Variants in TMED3 observed in about 807,000 individuals in gnomAD.
TMED3 encodes the protein transmembrane emp24 domain-containing protein 3.
TMED3 carries 9 observed loss-of-function variants against 15.0 expected under a neutral mutation model. That is an observed-to-expected ratio of 0.60 (90% CI 0.36 to 1.04). TMED3 has a LOEUF of 1.04. TMED3 is among the 50% of genes least tolerant of loss of function. The pLI is 0.01. For synonymous variants in TMED3, 117 were observed against 121.4 expected (o/e 0.96, Z 0.24); for missense variants, 267 against 278.9 (o/e 0.96, Z 0.30).
At chr15:79,354,955 C>T (rs185206256) in intron 2 of TMED3, among the ~76,000 whole-genome samples, 2 of 152,240 alleles carry the variant, frequency 1.3e-5, no homozygotes, top group South Asian at 4.1e-4. Flanking sequence ...AGTTATTTCT[C>T]TTATTTAAGC....
At chr15:79,393,515 G>A (rs1047945158) in intron 2 of TMED3, among the ~76,000 whole-genome samples, 1 of 152,176 alleles carries the variant, frequency 6.6e-6, no homozygotes, top group Non-Finnish European at 1.5e-5. Flanking sequence ...TTCTGTGGAA[G>A]CTCACTTCTG....
intron 2 of TMED3, among the ~76,000 whole-genome samples, chr15:79,348,884 T>C (rs988367706): frequency 6.6e-6 from 1 of 152,164 alleles, no homozygotes; most frequent in Non-Finnish European, 1.5e-5. Flanking sequence ...CCAGCTGGAG[T>C]ACAGTGGTGC....
At chr15:79,357,546 A>G (rs1013116648) in intron 2 of TMED3, among the ~76,000 whole-genome samples, 1 of 150,582 alleles carries the variant, frequency 6.6e-6, no homozygotes, top group African/African-American at 2.4e-5. Flanking sequence ...TTAAAGCAGA[A>G]CACGTCTTCT....
chr15:79,376,172 C>T (rs1049972467), intron 2 of TMED3, among the ~76,000 whole-genome samples: 5 of 142,432 alleles, frequency 3.5e-5, no homozygotes, highest in South Asian at 2.2e-4. Flanking sequence ...TGCAGTGGCG[C>T]GATCTCGGCT....
intron 2 of TMED3, among the ~76,000 whole-genome samples, chr15:79,350,598 G>T (rs2058888036): frequency 6.6e-6 from 1 of 152,140 alleles, no homozygotes; most frequent in Non-Finnish European, 1.5e-5. Flanking sequence ...TAGCTGTGCT[G>T]GGAGCTGATT....
At chr15:79,380,193 A>T (rs1416295856) in intron 2 of TMED3, among the ~76,000 whole-genome samples, 1 of 151,990 alleles carries the variant, frequency 6.6e-6, no homozygotes, top group African/African-American at 2.4e-5. Context: ...TGTACTAAAA[A>T]TACAAAAATT....
intron 2 of TMED3, among the ~76,000 whole-genome samples, chr15:79,387,993 C>T (rs529203935): frequency 2.8e-4 from 43 of 152,124 alleles, no homozygotes; most frequent in African/African-American, 8.2e-4. Flanking sequence ...GATTCACCTA[C>T]GGTACTTCTG....
Position 79,347,014 on chromosome 15 carries a change from C to T in TMED3, c.417+33009C>T, listed in dbSNP as rs189173559. 1.4e-3 allele frequency among the ~76,000 whole-genome samples: 210 copies of T among 152,228 alleles called. 1 individual carries two copies. The highest frequency in any genetic ancestry group is 4.0e-3 in the Admixed American group (61 of 15,288). On this transcript the variant is annotated intron_variant, in intron 2 of 2. Transcript: ENST00000424155. The stretch of plus-strand genomic sequence containing the variant: ...CCAAAAATTTAAGGAGGAGGGACTC[C>T]TTCCTAATTCATTCTGAGGCCAACA...
chr15:79,352,436 T>C (rs932203854), intron 2 of TMED3, among the ~76,000 whole-genome samples: 5 of 152,024 alleles, frequency 3.3e-5, no homozygotes, highest in Admixed American at 6.6e-5. Context: ...TCAGGCGTCA[T>C]GTGCTCAATC....
At chr15:79,353,445 A>G (rs2058905892) in intron 2 of TMED3, among the ~76,000 whole-genome samples, 1 of 139,360 alleles carries the variant, frequency 7.2e-6, no homozygotes, top group African/African-American at 2.7e-5. Context: ...CAAACCAACA[A>G]TAGCTAGTTA....
chr15:79,358,616 A>G lies in TMED3; in HGVS notation c.417+44611A>G, dbSNP rs574336241. On this transcript the variant is annotated intron_variant, in intron 2 of 2. Coordinates refer to the TMED3 transcript ENST00000424155. ...ATCCCTCAGGCCCATCCCGAAGGAG[A>G]TCACGGGTCCACCCTAGGACCTCTG... 1.9e-3 allele frequency among the ~76,000 whole-genome samples: 293 copies of G among 152,334 alleles called. 4 individuals carry two copies. The highest frequency in any genetic ancestry group is 6.7e-3 in the African/African-American group (278 of 41,572).
At chr15:79,324,831 C>T (rs2058781632), downstream of TMED3, among the ~76,000 whole-genome samples, 1 of 152,196 alleles carries the variant, frequency 6.6e-6, no homozygotes, top group African/African-American at 2.4e-5. Context: ...TGGGTTGGGG[C>T]TGACCTTTCT....
intron 2 of TMED3, among the ~76,000 whole-genome samples, chr15:79,358,508 G>A (rs1893060145): frequency 6.6e-6 from 1 of 152,184 alleles, no homozygotes; most frequent in African/African-American, 2.4e-5. Flanking sequence ...TGGGATGGAA[G>A]CTGGGGATGG....
chr15:79,359,052 T>G (rs2141239348), intron 2 of TMED3, among the ~76,000 whole-genome samples: 1 of 152,242 alleles, frequency 6.6e-6, no homozygotes, highest in South Asian at 2.1e-4. Flanking sequence ...GGAGTACAGC[T>G]CTGGCCATCC....
intron 2 of TMED3, among the ~76,000 whole-genome samples, chr15:79,321,713 C>T (rs1012758990): frequency 2.0e-5 from 3 of 152,186 alleles, no homozygotes; most frequent in Non-Finnish European, 4.4e-5. Context: ...GAGTATAGGG[C>T]AGTGCTTGAA....
chr15:79,388,813 G>A (rs1285384910), intron 2 of TMED3, among the ~76,000 whole-genome samples: 1 of 151,954 alleles, frequency 6.6e-6, no homozygotes, highest in Non-Finnish European at 1.5e-5. Flanking sequence ...GTATCACATT[G>A]GGTTTCGATT....
chr15:79,408,957 T>G (rs1050184970), intron 2 of TMED3, among the ~76,000 whole-genome samples: 1 of 152,214 alleles, frequency 6.6e-6, no homozygotes, highest in African/African-American at 2.4e-5. Flanking sequence ...ACAACTTAAA[T>G]TAGAAAGATA....
chr15:79,371,794 G>C (rs770299913), intron 2 of TMED3, among the ~76,000 whole-genome samples: 24 of 152,294 alleles, frequency 1.6e-4, no homozygotes, highest in African/African-American at 4.3e-4. Context: ...GAGTAGTTGG[G>C]GAAGTTATAA....
exon 3 of TMED3, chr15:79,411,697 C>T: frequency 1.9e-6 from 1 of 538,898 alleles, no homozygotes; most frequent in East Asian, 3.1e-5. Flanking sequence ...GGAATCCCGG[C>T]AGGAGGAGAC....
Sources: gnomAD v4.1 joint callset for allele counts (sites outside exome capture counted in the v4.1 genomes callset) on GRCh38, gnomAD v4.1.1 for gene constraint, MANE v1.5 for transcripts, NCBI Gene and HGNC (gene_info 2026-07-23, HGNC 2026-07-21) for gene names.